The following AKR1C8 variants were observed in gnomAD, a reference collection of about 807,000 sequenced individuals.
AKR1C8 encodes the protein aldo-keto reductase family 1 member C8.
chr10:5,170,575 C>A, the AKR1C8 span, among the ~76,000 whole-genome samples: 2 of 152,216 alleles, frequency 1.3e-5, no homozygotes, highest in African/African-American at 4.8e-5. Context: ...TGGTGAATTT[C>A]TCTTCTCTTT....
At chr10:5,121,631 A>T in the AKR1C8 span, among the ~76,000 whole-genome samples, 3 of 152,092 alleles carry the variant, frequency 2.0e-5, no homozygotes, top group Non-Finnish European at 4.4e-5. Flanking sequence ...GGACCTACGC[A>T]CATTTACCTA....
the AKR1C8 span, among the ~76,000 whole-genome samples, chr10:5,179,727 T>G: frequency 6.6e-6 from 1 of 152,156 alleles, no homozygotes; most frequent in Admixed American, 6.5e-5. Context: ...ATTCGTTTCA[T>G]CTTCCATCAC....
chr10:5,129,017 C>T, the AKR1C8 span, among the ~76,000 whole-genome samples: 14 of 151,970 alleles, frequency 9.2e-5, no homozygotes, highest in Non-Finnish European at 1.8e-4. Flanking sequence ...CCAAGATAGA[C>T]GATATGATAG....
chr10:5,130,817 T>C, the AKR1C8 span, among the ~76,000 whole-genome samples: 1 of 151,762 alleles, frequency 6.6e-6, no homozygotes, highest in Non-Finnish European at 1.5e-5. Context: ...TGCTTACAGA[T>C]AGAATCAATA....
the AKR1C8 span, among the ~76,000 whole-genome samples, chr10:5,179,045 C>T: frequency 3.3e-5 from 5 of 152,078 alleles, no homozygotes; most frequent in African/African-American, 7.2e-5. Context: ...TTATTTTGCT[C>T]GTTAGTTGAT....
At chr10:5,122,140 C>T in the AKR1C8 span, 1 of 398,796 alleles carries the variant, frequency 2.5e-6, no homozygotes, top group South Asian at 2.0e-5. Context: ...GCTTTCATGT[C>T]CTCTGGAGTC....
At chr10:5,136,210 T>A in the AKR1C8 span, among the ~76,000 whole-genome samples, 3 of 152,190 alleles carry the variant, frequency 2.0e-5, no homozygotes, top group Non-Finnish European at 2.9e-5. Flanking sequence ...AATCCTCACA[T>A]GCCTTAATTT....
At chr10:5,158,508 T>C in the AKR1C8 span, 1 of 402,744 alleles carries the variant, frequency 2.5e-6, no homozygotes, top group Non-Finnish European at 5.1e-6. Context: ...TGAGCTTTTT[T>C]ATAATACAAT....
the AKR1C8 span, chr10:5,132,891 G>T: frequency 1.9e-5 from 7 of 365,894 alleles, no homozygotes; most frequent in East Asian, 2.4e-4. Flanking sequence ...CTATATATGG[G>T]GTGATAAATC....
the AKR1C8 span, among the ~76,000 whole-genome samples, chr10:5,137,966 C>G: frequency 6.6e-6 from 1 of 152,046 alleles, no homozygotes; most frequent in African/African-American, 2.4e-5. Flanking sequence ...AGATCACATG[C>G]TTCTGAGGGA....
chr10:5,127,208 T>TA, the AKR1C8 span, among the ~76,000 whole-genome samples: 7 of 142,284 alleles, frequency 4.9e-5, no homozygotes, highest in East Asian at 1.9e-4. Context: ...AAAAACAACC[T>TA]AAAATTTTTT....
the AKR1C8 span, among the ~76,000 whole-genome samples, chr10:5,147,878 T>C: frequency 3.9e-5 from 6 of 152,292 alleles, no homozygotes; most frequent in East Asian, 9.7e-4. Flanking sequence ...AGAAACACCA[T>C]GGTGACTTCT....
chr10:5,131,671 TAA>T, the AKR1C8 span, among the ~76,000 whole-genome samples: 2 of 145,872 alleles, frequency 1.4e-5, no homozygotes, highest in Non-Finnish European at 1.5e-5. Context: ...AATTTAAAAG[TAA>T]AAAAAAAAAC....
the AKR1C8 span, among the ~76,000 whole-genome samples, chr10:5,160,432 C>A: frequency 5.9e-5 from 9 of 152,092 alleles, no homozygotes; most frequent in Admixed American, 5.9e-4. Context: ...GGCAGGTTCA[C>A]TGTCCTGCAC....
chr10:5,157,806 G>A, the AKR1C8 span: 2 of 469,442 alleles, frequency 4.3e-6, no homozygotes, highest in South Asian at 1.6e-5. Flanking sequence ...CCACCCTGTT[G>A]GGGAGGGAAC....
At chr10:5,177,189 G>T in the AKR1C8 span, among the ~76,000 whole-genome samples, 91 of 151,924 alleles carry the variant, frequency 6.0e-4, no homozygotes, top group Admixed American at 1.5e-3. Context: ...TAGCATGAAG[G>T]GCTGTTGAAT....
At chr10:5,151,763 G>A in the AKR1C8 span, among the ~76,000 whole-genome samples, 1 of 152,040 alleles carries the variant, frequency 6.6e-6, no homozygotes, top group Non-Finnish European at 1.5e-5. Context: ...CACCATGTTG[G>A]CCAGGCTGGT....
the AKR1C8 span, chr10:5,155,856 T>C: frequency 2.6e-6 from 1 of 385,028 alleles, no homozygotes; most frequent in South Asian, 2.1e-5. Flanking sequence ...AGGATGGCAT[T>C]GGGGGAAGCA....
At chr10:5,145,475 A>G in the AKR1C8 span, among the ~76,000 whole-genome samples, 2 of 152,168 alleles carry the variant, frequency 1.3e-5, no homozygotes, top group Non-Finnish European at 2.9e-5. Flanking sequence ...TCCAGAATCT[A>G]CAATGAACTC....
Sources: allele counts gnomAD v4.1 joint callset (sites outside exome capture counted in the v4.1 genomes callset), GRCh38; gene constraint gnomAD v4.1.1; transcripts MANE v1.5; gene names NCBI Gene and HGNC (gene_info 2026-07-23, HGNC 2026-07-21).